Variants in RMST observed in about 807,000 individuals in gnomAD.
The protein encoded by RMST is rhabdomyosarcoma 2 associated transcript, also known as long intergenic non-protein coding RNA 54.
intron 11 of RMST, among the ~76,000 whole-genome samples, chr12:97,531,690 A>G (rs1881639027): frequency 6.6e-6 from 1 of 151,986 alleles, no homozygotes; most frequent in South Asian, 2.1e-4. Context: ...CACCATTACA[A>G]TATCAAGGCA....
chr12:97,469,597 G>C lies in RMST; in HGVS notation n.644+3870G>C, dbSNP rs149532233. Among the ~76,000 whole-genome samples the C allele has an allele frequency of 3.4e-3, 517 of 152,070 alleles. 4 individuals carry two copies. The highest frequency in any genetic ancestry group is 0.014 in the Middle Eastern group (4 of 292). On this transcript the variant is annotated intron_variant and non_coding_transcript_variant, in intron 5 of 13. Transcript: ENST00000640149. ...TTGTAGATGAGGAAACTGAGGTTTC[G>C]AGAAGTTAACTTCTTCAGGGTCACA...
intron 13 of RMST, chr12:97,564,118 T>G (rs1466380442): frequency 3.2e-6 from 1 of 310,042 alleles, no homozygotes; most frequent in Non-Finnish European, 6.4e-6. Flanking sequence ...CATTTTTGTT[T>G]ATCATACATT....
intron 11 of RMST, among the ~76,000 whole-genome samples, chr12:97,557,858 C>A (rs1883819123): frequency 6.6e-6 from 1 of 152,052 alleles, no homozygotes; most frequent in South Asian, 2.1e-4. Flanking sequence ...CTACTACTTA[C>A]CGGATGTATC....
chr12:97,516,968 G>C (rs1379207570), intron 10 of RMST, among the ~76,000 whole-genome samples: 3 of 151,844 alleles, frequency 2.0e-5, no homozygotes, highest in African/African-American at 7.2e-5. Flanking sequence ...GAGTTGTATA[G>C]TCTTATGAAA....
intron 5 of RMST, among the ~76,000 whole-genome samples, chr12:97,479,319 T>C (rs1248751727): frequency 1.3e-5 from 2 of 151,876 alleles, no homozygotes; most frequent in Non-Finnish European, 2.9e-5. Context: ...TTCTTTTATT[T>C]TATTAATTTT....
intron 11 of RMST, among the ~76,000 whole-genome samples, chr12:97,540,508 G>A (rs1345544737): frequency 6.6e-6 from 1 of 151,664 alleles, no homozygotes; most frequent in Non-Finnish European, 1.5e-5. Context: ...TACACACTTG[G>A]ATTAATGCAA....
At chr12:97,500,166 A>G (rs958567579) in intron 10 of RMST, among the ~76,000 whole-genome samples, 8 of 152,172 alleles carry the variant, frequency 5.3e-5, no homozygotes, top group Non-Finnish European at 1.0e-4. Flanking sequence ...ATATCATTCA[A>G]CGCAGAGAGG....
At chr12:97,484,675 G>A (rs1214749702) in intron 5 of RMST, among the ~76,000 whole-genome samples, 1 of 152,104 alleles carries the variant, frequency 6.6e-6, no homozygotes, top group East Asian at 1.9e-4. Flanking sequence ...GGATGATGAA[G>A]GAATAAATGT....
chr12:97,554,479 T>C (rs1883550986), intron 11 of RMST, among the ~76,000 whole-genome samples: 1 of 152,156 alleles, frequency 6.6e-6, no homozygotes, highest in Non-Finnish European at 1.5e-5. Context: ...GTTTTCAATG[T>C]GATTCACTGG....
chr12:97,558,285 G>A (rs1883848427), intron 11 of RMST, among the ~76,000 whole-genome samples: 1 of 152,110 alleles, frequency 6.6e-6, no homozygotes, highest in African/African-American at 2.4e-5. Flanking sequence ...AGTTTGATAA[G>A]GGCTAAGAGT....
intron 5 of RMST, among the ~76,000 whole-genome samples, chr12:97,490,869 G>A (rs1876713654): frequency 6.6e-6 from 1 of 152,202 alleles, no homozygotes; most frequent in Non-Finnish European, 1.5e-5. Context: ...TGTATAAATT[G>A]CACAACTATC....
chr12:97,564,366 G>A, exon 14 of RMST: 1 of 155,722 alleles, frequency 6.4e-6, no homozygotes. Context: ...CCTCCTGAGA[G>A]CCATAAATCC....
intron 10 of RMST, among the ~76,000 whole-genome samples, chr12:97,519,615 C>T (rs1295311302): frequency 6.6e-6 from 1 of 152,160 alleles, no homozygotes; most frequent in African/African-American, 2.4e-5. Context: ...TTGCTTAGCT[C>T]TTTGAAAGTA....
At chr12:97,467,440 T>C (rs1011432201) in intron 5 of RMST, among the ~76,000 whole-genome samples, 1 of 152,052 alleles carries the variant, frequency 6.6e-6, no homozygotes, top group African/African-American at 2.4e-5. Context: ...TGCATTGTTA[T>C]AAATGCTAAT....
intron 11 of RMST, among the ~76,000 whole-genome samples, chr12:97,551,586 C>T (rs1001680041): frequency 7.2e-5 from 11 of 152,114 alleles, no homozygotes; most frequent in African/African-American, 1.9e-4. Context: ...GGTTGTCATG[C>T]GAGAAGTGTA....
At chr12:97,481,678 G>A (rs1394089348) in intron 5 of RMST, among the ~76,000 whole-genome samples, 1 of 152,202 alleles carries the variant, frequency 6.6e-6, no homozygotes, top group Admixed American at 6.5e-5. Flanking sequence ...GAATTAAATT[G>A]CAGCATCTTT....
chr12:97,552,443 A>G (rs1592792920), intron 11 of RMST, among the ~76,000 whole-genome samples: 1 of 152,212 alleles, frequency 6.6e-6, no homozygotes, highest in Non-Finnish European at 1.5e-5. Flanking sequence ...TAGGATTCCT[A>G]GTTTACCTTG....
chr12:97,488,590 G>A (rs1279016973), intron 5 of RMST, among the ~76,000 whole-genome samples: 1 of 152,158 alleles, frequency 6.6e-6, no homozygotes, highest in East Asian at 1.9e-4. Flanking sequence ...CGGCTCTCAA[G>A]TTGCGTGGTG....
intron 5 of RMST, among the ~76,000 whole-genome samples, chr12:97,472,665 G>T (rs185959250): frequency 3.2e-4 from 49 of 152,156 alleles, no homozygotes; most frequent in African/African-American, 1.1e-3. Flanking sequence ...AGATAAATGG[G>T]TACATATGAC....
Sources: allele counts gnomAD v4.1 joint callset (sites outside exome capture counted in the v4.1 genomes callset), GRCh38; gene constraint gnomAD v4.1.1; transcripts MANE v1.5; gene names NCBI Gene and HGNC (gene_info 2026-07-23, HGNC 2026-07-21).